The following ARHGAP26 variants were observed in gnomAD, a reference collection of about 807,000 sequenced individuals.
ARHGAP26 encodes rho GTPase-activating protein 26.
ARHGAP26 carries 38 observed loss-of-function variants against 104.8 expected under a neutral mutation model. The observed-to-expected ratio is 0.36, with a 90% CI of 0.28 to 0.48. The LOEUF is 0.48. ARHGAP26 is among the 20% of genes least tolerant of loss of function. ARHGAP26 has a pLI of 0.99. For missense variants in ARHGAP26, 704 were observed against 947.9 expected (o/e 0.74, Z 3.38); for synonymous variants, 341 against 340.0 (o/e 1.00, Z -0.03).
intron 19 of ARHGAP26, among the ~76,000 whole-genome samples, chr5:143,142,850 A>G (rs1379465348): frequency 6.6e-6 from 1 of 152,190 alleles, no homozygotes; most frequent in African/African-American, 2.4e-5. Context: ...CTTCATTGCA[A>G]AACTTTAACA....
intron 1 of ARHGAP26, among the ~76,000 whole-genome samples, chr5:142,805,513 A>G (rs1762833430): frequency 6.6e-6 from 1 of 152,148 alleles, no homozygotes; most frequent in African/African-American, 2.4e-5. Flanking sequence ...GTGTGGATGT[A>G]TCATTTCTCT....
intron 19 of ARHGAP26, 43 bp downstream of exon 19, chr5:143,134,148 TCCCA>T: frequency 6.3e-7 from 1 of 1,576,156 alleles, no homozygotes; most frequent in South Asian, 1.2e-5. Context: ...TTCAGGGACA[TCCCA>T]TGCTACCTGC....
At chr5:143,091,221 C>T (rs1791391158) in intron 17 of ARHGAP26, among the ~76,000 whole-genome samples, 1 of 152,222 alleles carries the variant, frequency 6.6e-6, no homozygotes, top group Non-Finnish European at 1.5e-5. Context: ...GTATGAACAG[C>T]AGTCTCAGTG....
At position 143,054,433 on chromosome 5, in the gene ARHGAP26, T is replaced by A. The variant is rs2150256469; in HGVS notation, c.1286-6T>A. 1 of 1,605,412 alleles carries A rather than the reference T, an allele frequency of 6.2e-7. No homozygotes were observed. Among genetic ancestry groups the A allele is most frequent in the Middle Eastern group, 1.7e-4 (1 of 6,012 alleles). ...TGCTTTATGTATTGTCTTTTCTTCATTTTAGACCCCAAGACTGCTTCTGAG... is the reference window on the plus strand; with the variant it reads ...TGCTTTATGTATTGTCTTTTCTTCAATTTAGACCCCAAGACTGCTTCTGAG... On this transcript the variant is annotated splice_region_variant and splice_polypyrimidine_tract_variant and intron_variant, in intron 14 of 22. Transcript: ENST00000645722.
At chr5:142,800,261 T>TA (rs1761804992) in intron 1 of ARHGAP26, among the ~76,000 whole-genome samples, 2 of 152,216 alleles carry the variant, frequency 1.3e-5, no homozygotes, top group Admixed American at 1.3e-4. Flanking sequence ...TATTCGCTTC[T>TA]GTTCTTTAGT....
chr5:143,196,840 T>A (rs1160476627), intron 20 of ARHGAP26, among the ~76,000 whole-genome samples: 1 of 152,168 alleles, frequency 6.6e-6, no homozygotes, highest in African/African-American at 2.4e-5. Context: ...CGACTCAAGG[T>A]TTTTGCTGCT....
At chr5:142,947,095 T>TTAAA (rs1491383996) in intron 11 of ARHGAP26, 1 of 70,684 alleles carries the variant, frequency 1.4e-5, no homozygotes, top group African/African-American at 5.0e-5. Context: ...TTTTTAAAAG[T>TTAAA]AAAAAAAAAA....
chr5:143,005,025 A>G (rs1429988486), intron 11 of ARHGAP26, among the ~76,000 whole-genome samples: 3 of 152,232 alleles, frequency 2.0e-5, no homozygotes, highest in Admixed American at 6.5e-5. Flanking sequence ...TTTGTTGCAC[A>G]TTTTTCTCCT....
intron 18 of ARHGAP26, among the ~76,000 whole-genome samples, chr5:143,131,904 T>C (rs896137482): frequency 6.6e-6 from 1 of 152,168 alleles, no homozygotes; most frequent in Non-Finnish European, 1.5e-5. Flanking sequence ...TTCTTAGAGG[T>C]TGCAGTCCTT....
intron 20 of ARHGAP26, among the ~76,000 whole-genome samples, chr5:143,159,507 G>A (rs1800929278): frequency 6.6e-6 from 1 of 152,190 alleles, no homozygotes; most frequent in Non-Finnish European, 1.5e-5. Flanking sequence ...GGGAAAAAAT[G>A]GTGCAGGACA....
At chr5:143,192,704 G>C (rs529775973) in intron 20 of ARHGAP26, 1 of 152,282 alleles carries the variant, frequency 6.6e-6, no homozygotes, top group South Asian at 2.1e-4. Context: ...AACCCAGCTA[G>C]CTTAAGGGAA....
At chr5:143,115,561 A>G (rs373231174) in intron 17 of ARHGAP26, among the ~76,000 whole-genome samples, 1 of 151,916 alleles carries the variant, frequency 6.6e-6, no homozygotes, top group Non-Finnish European at 1.5e-5. Context: ...CAGGATACCA[A>G]GCGAAACTAC....
At chr5:142,875,616 A>T (rs1392085033) in intron 3 of ARHGAP26, among the ~76,000 whole-genome samples, 1 of 152,148 alleles carries the variant, frequency 6.6e-6, no homozygotes, top group Non-Finnish European at 1.5e-5. Context: ...GCCAGGTAGG[A>T]GGGACCCAGT....
chr5:143,205,389 G>C (rs913063949), intron 20 of ARHGAP26, among the ~76,000 whole-genome samples: 8 of 152,162 alleles, frequency 5.3e-5, no homozygotes, highest in Admixed American at 1.3e-4. Flanking sequence ...AATGCCATCT[G>C]CTATATGAAT....
At chr5:142,949,172 A>AGAGAGAGAGAGAGAGAGAGAGAGAGAG in intron 11 of ARHGAP26, among the ~76,000 whole-genome samples, 2 of 3,432 alleles carry the variant, frequency 5.8e-4, no homozygotes, top group Middle Eastern at 0.013. Flanking sequence ...TTCCAGAGAG[A>AGAGAGAGAGAGAGAGAGAGAGAGAGAG]GAGAGAGAGA....
At chr5:143,105,261 T>C (rs9324904) in intron 17 of ARHGAP26, among the ~76,000 whole-genome samples, 127,993 of 151,718 alleles carry the variant, frequency 0.84, 54,976 homozygotes, top group Non-Finnish European at 0.92. Context: ...ATTGTAATCC[T>C]AGCTACTCAG....
intron 1 of ARHGAP26, among the ~76,000 whole-genome samples, chr5:142,868,446 C>T (rs948463932): frequency 5.9e-5 from 9 of 152,008 alleles, no homozygotes; most frequent in East Asian, 1.9e-4. Flanking sequence ...ACTGATTTGA[C>T]GGACAAAAGT....
intron 1 of ARHGAP26, among the ~76,000 whole-genome samples, chr5:142,793,274 TAATCTATC>T (rs1760256980): frequency 1.3e-4 from 19 of 147,312 alleles, no homozygotes; most frequent in East Asian, 1.0e-3. Context: ...TTTTTTTTTT[TAATCTATC>T]TTTCTTTAGA....
At chr5:142,821,786 C>G (rs1402472506) in intron 1 of ARHGAP26, among the ~76,000 whole-genome samples, 1 of 152,188 alleles carries the variant, frequency 6.6e-6, no homozygotes, top group East Asian at 1.9e-4. Context: ...GAAAAGCCAT[C>G]TTTCCTTACA....
Sources: allele counts gnomAD v4.1 joint callset (sites outside exome capture counted in the v4.1 genomes callset), GRCh38; gene constraint gnomAD v4.1.1; transcripts MANE v1.5; gene names NCBI Gene and HGNC (gene_info 2026-07-23, HGNC 2026-07-21).